The following CD27 variants were observed in gnomAD, a reference collection of about 807,000 sequenced individuals.
The protein encoded by CD27 is CD27 molecule.
Under a neutral mutation model 25.9 loss-of-function variants are expected in CD27, and 16 were observed. The observed-to-expected ratio is 0.62, with a 90% confidence interval of 0.42 to 0.94. CD27 has a LOEUF of 0.94. Ranked by LOEUF, CD27 falls within the 40% of genes least tolerant of loss-of-function variation. CD27 has a pLI of 0.00. For synonymous variants in CD27, 142 were observed against 124.3 expected (o/e 1.14, Z -0.95); for missense variants, 300 against 333.2 (o/e 0.90, Z 0.78).
At chr12:6,444,953 G>C, upstream of CD27, 1 of 814,622 alleles carries the variant, frequency 1.2e-6, no homozygotes, top group Non-Finnish European at 1.8e-6. Context: ...TAGAGATTCT[G>C]CCTTCAAAGG....
chr12:6,450,088 TG>T lies in CD27; in HGVS notation c.269-80del. 7.9e-7 allele frequency: 1 copy of T among 1,258,516 alleles called. No individual in the cohort carries two copies. The highest frequency in any genetic ancestry group is 1.1e-6 in the Non-Finnish European group (1 of 898,214). 78.0% of individuals were successfully genotyped at this position (1,258,516 alleles called of 1,614,324 possible). On this transcript the variant is annotated intron_variant, in intron 2 of 5. Transcript: ENST00000266557. The surrounding 1 kb of genome is among the most constrained non-coding windows in gnomAD (Gnocchi z 4.1). ...CACGTCCCTAGAGGTGGGCCTGGGA[TG>T]GGGGTTGGGGGATGAAGCAAGTGGA... is the stretch of plus-strand genomic sequence containing the variant.
rs1281935228 is a variant in CD27 at position 6,450,454 on chromosome 12, C to T, written c.449-87C>T. On this transcript the variant is annotated intron_variant, in intron 3 of 5. Transcript: ENST00000266557. This position sits in a 1 kb window ranked among gnomAD's most constrained non-coding sequence, Gnocchi z 4.1. ...CTAGATAAGGTCAGCCTGTTTCTGC[C>T]TTCCCATCCCATCCAGCACCTCTCA... 7.8e-6 allele frequency: 12 copies of T among 1,538,908 alleles called. No individual in the cohort carries two copies. In the East Asian group the frequency reaches 2.7e-4, roughly 35 times the overall value.
In CD27 at chr12:6,451,033, G is replaced by C. The variant is rs371256239; in HGVS notation, c.658+19G>C. On this transcript the variant is annotated intron_variant, in intron 5 of 5. Transcript: ENST00000266557. ...AGATCAAGTAAGAGACAGAACACAG[G>C]CCTCCGGTCCTGCCCCTGCACCACA... 11 of 1,613,794 alleles carry C rather than the reference G, an allele frequency of 6.8e-6. No individual in the cohort carries two copies. In the African/African-American group the frequency reaches 1.2e-4, roughly 18 times the overall value.
At position 6,445,549 on chromosome 12, in the gene CD27, A is replaced by G; in HGVS notation, c.262A>G (p.Asn88Asp). 1 of 1,613,520 alleles carries G rather than the reference A, an allele frequency of 6.2e-7. No individual in the cohort carries two copies. Among genetic ancestry groups the G allele is most frequent in the Non-Finnish European group, 8.5e-7 (1 of 1,179,980 alleles). The change falls in exon 2 of 6, where the codon AAC becomes GAC. Residue 88 changes from asparagine to aspartate, a missense_variant. By Grantham distance (23) the Asn-to-Asp change is conservative. Transcript: ENST00000266557. This position sits in a 1 kb window ranked among gnomAD's most constrained non-coding sequence, Gnocchi z 4.5. ...CCACTGTGAGAGCTGTCGGCACTGT[A>G]ACTCTGGTGAGGTGGGCAAGGGTGT... ...RPHCESCRHC[N>D]SGLLVRNCTI...
chr12:6,449,544 A>C (rs1034454649), intron 2 of CD27, among the ~76,000 whole-genome samples: 3 of 152,078 alleles, frequency 2.0e-5, no homozygotes, highest in Non-Finnish European at 2.9e-5. Flanking sequence ...TTATACTTTA[A>C]TTAAAAGTTA....
chr12:6,450,938 G>A lies in CD27; in HGVS notation c.582G>A (p.Val194=), dbSNP rs11569387. Reference sequence around the variant, plus strand: ...GCTCCGATTTTATTCGCATCCTTGTGATCTTCTCTGGAATGTTCCTTGTTT... The same window carrying A: ...GCTCCGATTTTATTCGCATCCTTGTAATCTTCTCTGGAATGTTCCTTGTTT... The part of the protein sequence containing the change: ...LCSSDFIRIL[V]IFSGMFLVFT... The change falls in exon 5 of 6, where the codon GTG becomes GTA. Residue 194 remains valine, a synonymous_variant. Transcript: ENST00000266557. The surrounding 1 kb of genome is among the most constrained non-coding windows in gnomAD (Gnocchi z 4.1). The A allele has an allele frequency of 3.1e-6, 5 of 1,614,114 alleles. No individual in the cohort carries two copies. Among genetic ancestry groups the A allele is most frequent in the Non-Finnish European group, 4.2e-6 (5 of 1,180,008 alleles).
chr12:6,446,237 C>T (rs936189390), intron 2 of CD27, among the ~76,000 whole-genome samples: 6 of 152,190 alleles, frequency 3.9e-5, no homozygotes, highest in African/African-American at 1.2e-4. Flanking sequence ...AACCAGGTAA[C>T]TGTAACTATT....
chr12:6,447,639 G>GTTT (rs1459330799), intron 2 of CD27: 5 of 152,086 alleles, frequency 3.3e-5, no homozygotes, highest in Non-Finnish European at 7.4e-5. Context: ...GTTTTGTTTT[G>GTTT]TTTTTTAATT....
Position 6,451,628 on chromosome 12 carries a change from C to CG in CD27, c.*241dup. ...CAGCTGCGCCTGCGCTGCAGGAGGGCGGGGGCTCTGGTTGTAAAACACACT... is the reference window on the plus strand; with the variant it reads ...CAGCTGCGCCTGCGCTGCAGGAGGGCGGGGGGCTCTGGTTGTAAAACACACT... On this transcript the variant is annotated 3_prime_UTR_variant, in exon 6 of 6. Transcript: ENST00000266557. The CG allele has an allele frequency of 2.1e-6, 1 of 487,494 alleles. No homozygotes were observed. 30.2% of individuals were successfully genotyped at this position (487,494 alleles called of 1,614,324 possible).
chr12:6,450,699 C>G lies in CD27; in HGVS notation c.538+69C>G, dbSNP rs1441213652. On this transcript the variant is annotated intron_variant, in intron 4 of 5. Coordinates refer to ENST00000266557, the MANE Select transcript of CD27 (RefSeq NM_001242.5). The surrounding 1 kb of genome is among the most constrained non-coding windows in gnomAD (Gnocchi z 4.1). ...ACGAGGGGCCAGGAGGGAAGCCAGA[C>G]AGAAAGCTCCTAGGATTAGGGATAA... The G allele has an allele frequency of 6.7e-7, 1 of 1,487,288 alleles. No individual in the cohort carries two copies. The highest frequency in any genetic ancestry group is 1.4e-5 in the African/African-American group (1 of 72,490). 92.1% of individuals were successfully genotyped at this position (1,487,288 alleles called of 1,614,324 possible).
chr12:6,444,771 C>T (rs1949387959), upstream of CD27: 2 of 234,788 alleles, frequency 8.5e-6, no homozygotes, highest in East Asian at 1.2e-4. Context: ...CAGTGGGCTA[C>T]GTGCTTCATG....
At chr12:6,449,862 T>A (rs1034243195) in intron 2 of CD27, among the ~76,000 whole-genome samples, 2 of 151,770 alleles carry the variant, frequency 1.3e-5, no homozygotes, top group Admixed American at 1.3e-4. Flanking sequence ...AAAAAATAAA[T>A]AAAAAATAAA....
chr12:6,444,425 A>C (rs1949383510), upstream of CD27, among the ~76,000 whole-genome samples: 3 of 152,004 alleles, frequency 2.0e-5, no homozygotes, highest in African/African-American at 7.3e-5. Flanking sequence ...GTTGCGTTTG[A>C]TTATGAGACT....
chr12:6,444,885 C>T (rs988386967), upstream of CD27: 12 of 540,830 alleles, frequency 2.2e-5, no homozygotes, highest in African/African-American at 1.2e-4. Context: ...CCCCAGCACA[C>T]GGAAGGGGAA....
rs1477383891 is a variant in CD27 at position 6,450,675 on chromosome 12, C to T, written c.538+45C>T. The T allele has an allele frequency of 3.2e-6, 5 of 1,558,864 alleles. No homozygotes were observed. The highest frequency in any genetic ancestry group is 2.2e-5 in the South Asian group (2 of 89,958). The stretch of plus-strand genomic sequence containing the variant: ...CCCACCGCTAGAGAGAATGCATACA[C>T]GAGGGGCCAGGAGGGAAGCCAGACA... On this transcript the variant is annotated intron_variant, in intron 4 of 5. Coordinates refer to ENST00000266557, the MANE Select transcript of CD27 (RefSeq NM_001242.5). This position sits in a 1 kb window ranked among gnomAD's most constrained non-coding sequence, Gnocchi z 4.1.
chr12:6,451,580 A>G lies in CD27; in HGVS notation c.*188A>G. 2 of 606,870 alleles carry G rather than the reference A, an allele frequency of 3.3e-6. No homozygotes were observed. The highest frequency in any genetic ancestry group is 5.5e-6 in the Non-Finnish European group (2 of 362,398). 37.6% of individuals were successfully genotyped at this position (606,870 alleles called of 1,614,324 possible). On this transcript the variant is annotated 3_prime_UTR_variant, in exon 6 of 6. Coordinates refer to ENST00000266557, the MANE Select transcript of CD27 (RefSeq NM_001242.5). ...ACGAGGACAAATATGGATGAGGTGG[A>G]GAGTGGGAAGCAGGAGCCCAGCCAG...
At chr12:6,447,984 T>C (rs1165252028) in intron 2 of CD27, 1 of 152,320 alleles carries the variant, frequency 6.6e-6, no homozygotes, top group Non-Finnish European at 1.5e-5. Flanking sequence ...CCTCCTGCAC[T>C]GTCCCAGGCT....
chr12:6,451,389 C>A lies in CD27; in HGVS notation c.780C>A (p.Pro260=), dbSNP rs777855449. ...DYRKPEPACS[P] is the part of the protein sequence containing the mutation. ...GAAAACCGGAGCCTGCCTGCTCCCC[C>A]TGAGCCAGCACCTGCGGGAGCTGCA... The change falls in exon 6 of 6, where the codon CCC becomes CCA. Residue 260 remains proline (P), a synonymous_variant. Transcript: ENST00000266557. The A allele has an allele frequency of 1.4e-5, 22 of 1,612,734 alleles. No homozygotes were observed. The highest frequency in any genetic ancestry group is 1.7e-5 in the Non-Finnish European group (20 of 1,179,752).
upstream of CD27, among the ~76,000 whole-genome samples, chr12:6,444,414 T>A (rs181912312): frequency 6.6e-6 from 1 of 152,230 alleles, no homozygotes; most frequent in African/African-American, 2.4e-5. Flanking sequence ...GCTGCAGAAA[T>A]GTTGCGTTTG....
Sources: allele counts gnomAD v4.1 joint callset (sites outside exome capture counted in the v4.1 genomes callset), GRCh38; gene constraint gnomAD v4.1.1; non-coding constraint Gnocchi (gnomAD v3.1); transcripts MANE v1.5; gene names NCBI Gene and HGNC (gene_info 2026-07-23, HGNC 2026-07-21).